OGFR: variants seen among roughly 807,000 people sequenced by gnomAD.
OGFR encodes the protein protein 7-60.
Under a neutral mutation model 33.6 loss-of-function variants are expected in OGFR, and 18 were observed. The ratio of observed to expected loss-of-function variants is 0.54; its 90% CI spans 0.37 to 0.80. The LOEUF (loss-of-function observed/expected upper bound fraction) is 0.80. OGFR is among the 30% of genes least tolerant of loss of function. The pLI, the probability that OGFR is intolerant of heterozygous loss-of-function variation, is 0.00. For missense variants in OGFR, 877 were observed against 955.8 expected (o/e 0.92, Z 1.09); for synonymous variants, 370 against 400.7 (o/e 0.92, Z 0.91).
Position 62,810,542 on chromosome 20 carries a change from C to A in OGFR, c.442C>A (p.Pro148Thr). The A allele has an allele frequency of 6.2e-7, 1 of 1,613,094 alleles. No homozygotes were observed. Among genetic ancestry groups the A allele is most frequent in the Non-Finnish European group, 8.5e-7 (1 of 1,179,894 alleles). Residue 148 changes from proline (P) to threonine (T), a missense_variant, in exon 5 of 7, where the codon CCC becomes ACC. Transcript: ENST00000290291. ...ACCAGGAGTGAACTGGCATGCCAAG[C>A]CCCTCACGCTCAGGGAGGTCGAGGT... ...REPGVNWHAKPLTLREVEVFK... is the reference protein window; with the variant it reads ...REPGVNWHAKTLTLREVEVFK...
Position 62,811,561 on chromosome 20 carries a change from A to G in OGFR, c.565A>G (p.Thr189Ala), listed in dbSNP as rs1022946611. 1 of 1,605,474 alleles carries G rather than the reference A, an allele frequency of 6.2e-7. No individual in the cohort carries two copies. The highest frequency in any genetic ancestry group is 8.5e-7 in the Non-Finnish European group (1 of 1,176,816). Residue 189 changes from threonine (T) to alanine (A), a missense_variant, in exon 6 of 7, where the codon ACG becomes GCG. Physicochemically the swap from Thr to Ala is moderately conservative, Grantham distance 58 (BLOSUM62 0). Coordinates refer to ENST00000290291, the MANE Select transcript of OGFR (RefSeq NM_007346.4). The stretch of plus-strand genomic sequence containing the variant: ...CCGGCTGGAGGACCGAGGCACGGGC[A>G]CGGTGGGCCGAGCACAGAACTACCA... The part of the protein sequence containing the change: ...GIRLEDRGTG[T>A]VGRAQNYQKR...
intron 6 of OGFR, 82 bp from the exon 7 acceptor site, chr20:62,812,148 G>C: frequency 6.3e-6 from 8 of 1,261,962 alleles, no homozygotes; most frequent in South Asian, 1.6e-5. Flanking sequence ...GTGGAGCCGG[G>C]TGGGAGGGCA....
intron 4 of OGFR, among the ~76,000 whole-genome samples, chr20:62,810,190 T>C (rs978647925): frequency 2.0e-5 from 3 of 151,682 alleles, no homozygotes; most frequent in Non-Finnish European, 1.5e-5. Flanking sequence ...GAGGGAAGAG[T>C]GAGGAGTAGA....
In OGFR at chr20:62,808,239, C is replaced by T; in HGVS notation, c.241-8C>T. 6.2e-7 allele frequency: 1 copy of T among 1,610,200 alleles called. No individual in the cohort carries two copies. The highest frequency in any genetic ancestry group is 8.5e-7 in the Non-Finnish European group (1 of 1,176,952). On this transcript the variant is annotated splice_region_variant and splice_polypyrimidine_tract_variant and intron_variant, in intron 2 of 6. Transcript: ENST00000290291. Reference sequence around the variant, plus strand: ...GATCCCTGCTGTCCCCTTTCTCTGGCTCTTCAGGATCTGGTGGAACGAGAC... The same window carrying T: ...GATCCCTGCTGTCCCCTTTCTCTGGTTCTTCAGGATCTGGTGGAACGAGAC...
chr20:62,812,245 C>T lies in OGFR; in HGVS notation c.630C>T (p.Asn210=), dbSNP rs1990744186. The T allele has an allele frequency of 2.0e-6, 3 of 1,514,866 alleles. No homozygotes were observed. Among genetic ancestry groups the T allele is most frequent in the African/African-American group, 1.4e-5 (1 of 71,822 alleles). 93.8% of individuals were successfully genotyped at this position (1,514,866 alleles called of 1,614,324 possible). Residue 210 remains asparagine, a synonymous_variant, in exon 7 of 7, where the codon AAC becomes AAT. Coordinates refer to ENST00000290291, the MANE Select transcript of OGFR (RefSeq NM_007346.4). ...FQNLNWRSHN[N]LRITRILKSL... Reference sequence around the variant, plus strand: ...TCTCTCGCAGGCGCAGCCACAACAACCTCCGCATCACACGCATCCTCAAGT... The same window carrying T: ...TCTCTCGCAGGCGCAGCCACAACAATCTCCGCATCACACGCATCCTCAAGT...
At chr20:62,805,076 C>G in intron 1 of OGFR, 46 bp downstream of exon 1, 1 of 1,278,932 alleles carries the variant, frequency 7.8e-7, no homozygotes, top group Non-Finnish European at 9.8e-7. Context: ...CCGGCGCCCC[C>G]CGCCCGGCTG....
chr20:62,811,548 C>G lies in OGFR; in HGVS notation c.552C>G (p.Asp184Glu). ...MLGFYGIRLEDRGTGTVGRAQ... is the reference protein window; with the variant it reads ...MLGFYGIRLEERGTGTVGRAQ... ...GCTTCTACGGGATCCGGCTGGAGGA[C>G]CGAGGCACGGGCACGGTGGGCCGAG... Residue 184 changes from aspartate (D) to glutamate (E), a missense_variant, in exon 6 of 7, where the codon GAC becomes GAG. By Grantham distance (45) the Asp-to-Glu change is conservative. Coordinates refer to ENST00000290291, the MANE Select transcript of OGFR (RefSeq NM_007346.4). The G allele has an allele frequency of 6.2e-7, 1 of 1,607,426 alleles. No homozygotes were observed. The highest frequency in any genetic ancestry group is 8.5e-7 in the Non-Finnish European group (1 of 1,177,776).
chr20:62,811,624 G>GCGGCCCCCCCCCCCC lies in OGFR; in HGVS notation c.614+15_614+16insGGCCCCCCCCCCCCC. 2 of 1,551,502 alleles carry GCGGCCCCCCCCCCCC rather than the reference G, an allele frequency of 1.3e-6. No homozygotes were observed. Among genetic ancestry groups the GCGGCCCCCCCCCCCC allele is most frequent in the Non-Finnish European group, 1.7e-6 (2 of 1,147,392 alleles). ...GAACCTGAACTGGTGAGGCCCGGCT[G>GCGGCCCCCCCCCCCC]CTCCCGCCCACCCCCACCCCGGCGC... On this transcript the variant is annotated intron_variant, in intron 6 of 6. Coordinates refer to ENST00000290291, the MANE Select transcript of OGFR (RefSeq NM_007346.4).
Position 62,812,332 on chromosome 20 carries a change from G to A in OGFR, c.717G>A (p.Glu239=). 1.3e-6 allele frequency: 2 copies of A among 1,568,884 alleles called. No individual in the cohort carries two copies. Among genetic ancestry groups the A allele is most frequent in the Non-Finnish European group, 1.7e-6 (2 of 1,157,454 alleles). ...CGCTGGTCCGCTTCTTCCTGGAGGA[G>A]ACGCTGGTGCGGCGGGAGCTGCCGG... The part of the protein sequence containing the change: ...QAPLVRFFLE[E]TLVRRELPGV... Residue 239 remains glutamate (E), a synonymous_variant, in exon 7 of 7, where the codon GAG becomes GAA. Transcript: ENST00000290291.
chr20:62,805,485 G>T (rs1990569917), intron 1 of OGFR: 2 of 153,210 alleles, frequency 1.3e-5, no homozygotes, highest in Admixed American at 6.5e-5. Context: ...AGCCCGGGGC[G>T]GGCCGACGGG....
intron 2 of OGFR, chr20:62,807,984 C>T: frequency 9.9e-6 from 6 of 604,934 alleles, no homozygotes; most frequent in South Asian, 9.9e-5. Context: ...ATCACGGAAA[C>T]CCCTGTGCTG....
intron 4 of OGFR, 66 bp from the exon 5 acceptor site, chr20:62,810,433 G>C (rs904847387): frequency 3.9e-6 from 6 of 1,522,872 alleles, no homozygotes; most frequent in Non-Finnish European, 5.5e-6. Context: ...GCTACACAGC[G>C]AGCACCTGCC....
intron 2 of OGFR, 123 bp downstream of exon 2, chr20:62,807,728 C>A: frequency 1.0e-6 from 1 of 973,118 alleles, no homozygotes. Context: ...CAGTTCTGGG[C>A]AGGACCCTGC....
Position 62,813,522 on chromosome 20 carries a change from A to C in OGFR, c.1907A>C (p.Glu636Ala). ...PAGPAGDEPA[E>A]SPSETPGPSP... is the part of the protein sequence containing the mutation. Reference sequence around the variant, plus strand: ...GGACCTGCAGGGGACGAGCCAGCCGAGAGCCCATCGGAGACCCCAGGCCCC... The same window carrying C: ...GGACCTGCAGGGGACGAGCCAGCCGCGAGCCCATCGGAGACCCCAGGCCCC... The change falls in exon 7 of 7, where the codon GAG (glutamate) becomes GCG (alanine). Residue 636 changes from glutamate to alanine, a missense_variant. By Grantham distance (107) the Glu-to-Ala change is moderately radical (BLOSUM62 -1). This residue lies in a region of OGFR where 72 missense variants were observed against 181.8 expected (regional missense o/e 0.40). Coordinates refer to ENST00000290291, the MANE Select transcript of OGFR (RefSeq NM_007346.4). 6.3e-7 allele frequency: 1 copy of C among 1,576,320 alleles called. No individual in the cohort carries two copies. The highest frequency in any genetic ancestry group is 1.1e-5 in the South Asian group (1 of 88,786).
At chr20:62,811,143 C>T (rs1990719404) in intron 5 of OGFR, among the ~76,000 whole-genome samples, 1 of 152,192 alleles carries the variant, frequency 6.6e-6, no homozygotes, top group African/African-American at 2.4e-5. Flanking sequence ...GGGTGGATCA[C>T]CTGAGGTCAG....
At chr20:62,810,420 C>T (rs1006438315) in intron 4 of OGFR, 79 bp from the exon 5 acceptor site, 122 of 1,425,774 alleles carry the variant, frequency 8.6e-5, no homozygotes, top group African/African-American at 5.6e-4. Context: ...GGAACTGCCC[C>T]GGGCTACACA....
intron 3 of OGFR, among the ~76,000 whole-genome samples, chr20:62,808,910 G>C (rs1175291440): frequency 6.7e-6 from 1 of 149,078 alleles, no homozygotes; most frequent in Admixed American, 6.7e-5. Context: ...GGGAGGTGGA[G>C]GTTGCAGTGA....
chr20:62,808,414 C>G, intron 3 of OGFR, 89 bp downstream of exon 3: 1 of 964,284 alleles, frequency 1.0e-6, no homozygotes, highest in South Asian at 1.4e-5. Flanking sequence ...ATGTACCCGG[C>G]GATTACCAGG....
chr20:62,812,545 G>T lies in OGFR; in HGVS notation c.930G>T (p.Val310=). The change falls in exon 7 of 7, where the codon GTG becomes GTT. Residue 310 remains valine, a synonymous_variant. Transcript: ENST00000290291. ...LPHPLEGSRK[V]EEEGSPGDPD... ...ATCCGCTCGAGGGCTCCAGGAAGGT[G>T]GAGGAGGAAGGAAGCCCCGGGGACC... 1 of 1,584,768 alleles carries T rather than the reference G, an allele frequency of 6.3e-7. No individual in the cohort carries two copies. The highest frequency in any genetic ancestry group is 8.6e-7 in the Non-Finnish European group (1 of 1,166,012).
Sources: gnomAD v4.1 joint callset for allele counts (sites outside exome capture counted in the v4.1 genomes callset) on GRCh38, gnomAD v4.1.1 for gene constraint, gnomAD v4.1.1 regional missense constraint, MANE v1.5 for transcripts, NCBI Gene and HGNC (gene_info 2026-07-23, HGNC 2026-07-21) for gene names.